RBFOX1: variants seen among roughly 807,000 people sequenced by gnomAD.
RBFOX1 encodes RNA binding fox-1 homolog 1, also known as RNA binding protein fox-1 homolog 1.
Under a neutral mutation model 57.7 loss-of-function variants are expected in RBFOX1, and 8 were observed. The observed-to-expected ratio is 0.14, with a 90% CI of 0.08 to 0.25. RBFOX1 has a LOEUF of 0.25. RBFOX1 is among the 10% of genes least tolerant of loss of function. The probability of loss-of-function intolerance (pLI) is 1.00; values close to 1 mark genes in which losing one functional copy is unlikely to be tolerated. For missense variants in RBFOX1, 611 were observed against 548.5 expected (o/e 1.11, Z -1.14); for synonymous variants, 326 against 222.4 (o/e 1.47, Z -4.15).
intron 7 of RBFOX1, among the ~76,000 whole-genome samples, chr16:7,589,548 C>T (rs927703018): frequency 1.3e-5 from 2 of 151,720 alleles, no homozygotes; most frequent in Admixed American, 6.6e-5. Flanking sequence ...TAGCCTCTCT[C>T]GGTGGGTATG....
chr16:5,703,323 G>T (rs913729567), intron 3 of RBFOX1, among the ~76,000 whole-genome samples: 1 of 152,194 alleles, frequency 6.6e-6, no homozygotes, highest in African/African-American at 2.4e-5. Flanking sequence ...AGATGTATAA[G>T]AATTGGCCAT....
chr16:5,658,398 G>C (rs774205898), intron 3 of RBFOX1, among the ~76,000 whole-genome samples: 25 of 152,140 alleles, frequency 1.6e-4, no homozygotes, highest in Non-Finnish European at 2.6e-4. Flanking sequence ...GAGTGGCCAC[G>C]TTCCAGGGTG....
intron 2 of RBFOX1, among the ~76,000 whole-genome samples, chr16:6,333,165 G>A (rs886894740): frequency 6.6e-6 from 1 of 151,956 alleles, no homozygotes; most frequent in Non-Finnish European, 1.5e-5. Flanking sequence ...TCAGCCTCCC[G>A]AGTAGCTGGG....
intron 3 of RBFOX1, among the ~76,000 whole-genome samples, chr16:6,735,860 G>C (rs1268767059): frequency 2.0e-5 from 3 of 152,004 alleles, no homozygotes; most frequent in Non-Finnish European, 2.9e-5. Context: ...TAATTCACAG[G>C]CCCTCCTTCT....
At chr16:7,629,205 GGGAAGAGT>G (rs1275567701) in intron 10 of RBFOX1, among the ~76,000 whole-genome samples, 5 of 152,134 alleles carry the variant, frequency 3.3e-5, no homozygotes, top group Non-Finnish European at 7.3e-5. Flanking sequence ...CCGGTAACAG[GGGAAGAGT>G]GAGATGGGTT....
At chr16:5,822,441 T>C (rs530320619) in intron 3 of RBFOX1, among the ~76,000 whole-genome samples, 2 of 152,226 alleles carry the variant, frequency 1.3e-5, no homozygotes, top group East Asian at 1.9e-4. Flanking sequence ...AAAATAAAAT[T>C]AATAAATACA....
chr16:7,644,496 A>C (rs568686639), intron 11 of RBFOX1, among the ~76,000 whole-genome samples: 1 of 152,310 alleles, frequency 6.6e-6, no homozygotes, highest in Non-Finnish European at 1.5e-5. Flanking sequence ...CCATCACCCC[A>C]GAGTTTCTGT....
chr16:5,639,213 G>A (rs2048780958), intron 3 of RBFOX1, among the ~76,000 whole-genome samples: 2 of 152,158 alleles, frequency 1.3e-5, no homozygotes, highest in Non-Finnish European at 2.9e-5. Flanking sequence ...AGAATTGTGT[G>A]CACACATTTC....
intron 2 of RBFOX1, among the ~76,000 whole-genome samples, chr16:5,544,951 C>CTTTTTTTTTTTTTTTTTTTTTTTT (rs59873374): frequency 4.8e-5 from 6 of 124,358 alleles, no homozygotes; most frequent in African/African-American, 6.9e-5. Flanking sequence ...CTATTACATT[C>CTTTTTTTTTTTTTTTTTTTTTTTT]TTTTTTTTTT....
At chr16:7,393,129 C>G (rs544010398) in intron 4 of RBFOX1, among the ~76,000 whole-genome samples, 24 of 152,294 alleles carry the variant, frequency 1.6e-4, no homozygotes, top group African/African-American at 5.8e-4. Context: ...CTGCCTCAGC[C>G]TCCTAAAGTG....
At chr16:5,670,256 G>A (rs890594464) in intron 3 of RBFOX1, among the ~76,000 whole-genome samples, 1 of 152,164 alleles carries the variant, frequency 6.6e-6, no homozygotes, top group Non-Finnish European at 1.5e-5. Flanking sequence ...CTCAGATAGC[G>A]ATGATGGTTG....
At chr16:7,360,634 C>T (rs780348940) in intron 4 of RBFOX1, among the ~76,000 whole-genome samples, 2 of 152,202 alleles carry the variant, frequency 1.3e-5, no homozygotes, top group Admixed American at 6.5e-5. Flanking sequence ...ATTATCCCTC[C>T]CTATGATACA....
chr16:7,505,159 A>G (rs1232113241), intron 4 of RBFOX1, among the ~76,000 whole-genome samples: 1 of 150,904 alleles, frequency 6.6e-6, no homozygotes, highest in East Asian at 2.0e-4. Context: ...AACATTTTGA[A>G]TGCTTTTGTA....
chr16:7,058,823 G>C (rs559641158), intron 4 of RBFOX1, among the ~76,000 whole-genome samples: 3 of 151,878 alleles, frequency 2.0e-5, no homozygotes, highest in Admixed American at 1.3e-4. Flanking sequence ...TCCATTTATT[G>C]TTCCACTTAT....
intron 3 of RBFOX1, among the ~76,000 whole-genome samples, chr16:6,892,420 A>G (rs2153380094): frequency 6.6e-6 from 1 of 152,256 alleles, no homozygotes; most frequent in African/African-American, 2.4e-5. Flanking sequence ...CTATAATTCC[A>G]GCACTTTAGG....
intron 2 of RBFOX1, among the ~76,000 whole-genome samples, chr16:6,498,937 G>C (rs1293953862): frequency 6.6e-6 from 1 of 152,110 alleles, no homozygotes; most frequent in African/African-American, 2.4e-5. Context: ...AGTATGCCTT[G>C]GAGCCTTCTC....
intron 2 of RBFOX1, among the ~76,000 whole-genome samples, chr16:5,548,645 C>G (rs905487658): frequency 2.0e-5 from 3 of 151,452 alleles, no homozygotes; most frequent in African/African-American, 4.9e-5. Context: ...ACTATGTACC[C>G]AAATGATTAA....
At chr16:7,120,832 C>CACACACACACACACACACACACAT (rs2066983959) in intron 4 of RBFOX1, among the ~76,000 whole-genome samples, 1 of 24,866 alleles carries the variant, frequency 4.0e-5, no homozygotes, top group Admixed American at 5.1e-4. Flanking sequence ...TGTATATATA[C>CACACACACACACACACACACACAT]ACACACACAC....
intron 5 of RBFOX1, among the ~76,000 whole-genome samples, chr16:7,572,756 G>A (rs1039284064): frequency 7.9e-5 from 12 of 151,928 alleles, no homozygotes; most frequent in South Asian, 2.1e-4. Context: ...GGAGAATGGC[G>A]TGAACCCAGG....
Sources: allele counts gnomAD v4.1 joint callset (sites outside exome capture counted in the v4.1 genomes callset), GRCh38; gene constraint gnomAD v4.1.1; transcripts MANE v1.5; gene names NCBI Gene and HGNC (gene_info 2026-07-23, HGNC 2026-07-21).